Variants in DPP6 observed in about 807,000 individuals in gnomAD.
The protein encoded by DPP6 is A-type potassium channel modulatory protein DPP6.
DPP6 carries 69 observed loss-of-function variants against 122.6 expected under a neutral mutation model. The observed-to-expected ratio is 0.56, with a 90% CI of 0.46 to 0.69. The LOEUF (loss-of-function observed/expected upper bound fraction) is 0.69, where lower values mean the gene tolerates loss of function less well. Among genes scored for constraint, DPP6 ranks in the 30% least tolerant of loss-of-function variants. The probability of loss-of-function intolerance (pLI) is 0.00; values close to 1 mark genes in which losing one functional copy is unlikely to be tolerated. For synonymous variants in DPP6, 418 were observed against 433.1 expected (o/e 0.97, Z 0.43); for missense variants, 928 against 1,116.9 (o/e 0.83, Z 2.41).
At position 154,772,936 on chromosome 7, in the gene DPP6, G is replaced by T. The variant is rs369839910; in HGVS notation, c.1130G>T (p.Arg377Leu). The T allele has an allele frequency of 6.2e-7, 1 of 1,600,360 alleles. No individual in the cohort carries two copies. Among genetic ancestry groups the T allele is most frequent in the Non-Finnish European group, 8.5e-7 (1 of 1,174,498 alleles). ...GAGATGATGCCGCCTGATGATCCACGGATGAGGTTTGCTTCCTTCTATTAT... is the reference window on the plus strand; with the variant it reads ...GAGATGATGCCGCCTGATGATCCACTGATGAGGTTTGCTTCCTTCTATTAT... The part of the protein sequence containing the change: ...DLEMMPPDDP[R>L]MREYYITMVK... Residue 377 changes from arginine (R) to leucine (L), a missense_variant, in exon 10 of 26, where the codon CGG becomes CTG. By Grantham distance (102) the Arg-to-Leu change is moderately radical. Transcript: ENST00000377770.
At chr7:154,550,708 CAAAT>C (rs934010971) in intron 4 of DPP6, among the ~76,000 whole-genome samples, 1 of 149,840 alleles carries the variant, frequency 6.7e-6, no homozygotes, top group African/African-American at 2.5e-5. Flanking sequence ...TACACAAACA[CAAAT>C]AAAGATTGTA....
At chr7:154,786,145 A>G (rs1393765425) in intron 10 of DPP6, among the ~76,000 whole-genome samples, 1 of 152,198 alleles carries the variant, frequency 6.6e-6, no homozygotes, top group East Asian at 1.9e-4. Flanking sequence ...CATTCTCTTA[A>G]TGATTTACTA....
At chr7:153,819,079 T>TTC in the DPP6 span, among the ~76,000 whole-genome samples, 1 of 137,152 alleles carries the variant, frequency 7.3e-6, no homozygotes. Context: ...TTTCTTTTCT[T>TTC]TTTTTTTTTT....
At chr7:154,063,138 GAGT>G (rs2150489280) in intron 1 of DPP6, among the ~76,000 whole-genome samples, 2 of 121,322 alleles carry the variant, frequency 1.6e-5, no homozygotes, top group East Asian at 2.5e-4. Flanking sequence ...CCCCCCACGA[GAGT>G]GGGGACTGAG....
upstream of DPP6, among the ~76,000 whole-genome samples, chr7:153,886,482 G>A (rs538049088): frequency 1.5e-3 from 222 of 152,286 alleles, 1 homozygote; most frequent in African/African-American, 5.1e-3. Flanking sequence ...GGTCTTCGGG[G>A]TCAGATCCCG....
intron 1 of DPP6, among the ~76,000 whole-genome samples, chr7:154,304,246 G>C (rs10231644): frequency 0.4 from 60,424 of 152,270 alleles, 12,547 homozygotes; most frequent in African/African-American, 0.53. Context: ...TGCAGAGAAA[G>C]AGTGCCAGGC....
intron 1 of DPP6, among the ~76,000 whole-genome samples, chr7:154,300,290 A>G (rs1805820877): frequency 6.6e-6 from 1 of 152,138 alleles, no homozygotes; most frequent in African/African-American, 2.4e-5. Context: ...AGTCTTTGCT[A>G]AGTGTGTTTA....
chr7:154,528,132 C>G (rs527900708), intron 3 of DPP6, among the ~76,000 whole-genome samples: 1 of 152,240 alleles, frequency 6.6e-6, no homozygotes, highest in South Asian at 2.1e-4. Context: ...ATGCAAAGCA[C>G]TAGATATATT....
At chr7:154,033,068 C>A (rs1328325892) in intron 1 of DPP6, among the ~76,000 whole-genome samples, 2 of 152,046 alleles carry the variant, frequency 1.3e-5, no homozygotes, top group Non-Finnish European at 2.9e-5. Context: ...ACAGTTAAGT[C>A]TACATAGTTC....
At chr7:153,759,782 CAT>C in the DPP6 span, among the ~76,000 whole-genome samples, 2 of 152,228 alleles carry the variant, frequency 1.3e-5, no homozygotes, top group East Asian at 3.9e-4. Context: ...TAGAAGAAAA[CAT>C]AAAATACCTT....
chr7:154,088,933 C>A (rs1402159028), intron 1 of DPP6, among the ~76,000 whole-genome samples: 3 of 152,198 alleles, frequency 2.0e-5, no homozygotes, highest in Admixed American at 2.0e-4. Context: ...CCACATGTGG[C>A]TCCGGCTGGA....
chr7:154,808,002 T>C (rs1338588378), intron 16 of DPP6, among the ~76,000 whole-genome samples: 1 of 152,220 alleles, frequency 6.6e-6, no homozygotes, highest in Non-Finnish European at 1.5e-5. Flanking sequence ...TTTTGCTGCT[T>C]GTCTGTATCT....
At chr7:154,256,284 G>C (rs1177912841) in intron 1 of DPP6, among the ~76,000 whole-genome samples, 1 of 152,196 alleles carries the variant, frequency 6.6e-6, no homozygotes, top group Non-Finnish European at 1.5e-5. Context: ...AAACTACAGT[G>C]TGCAAAATAT....
chr7:154,838,777 T>C (rs1801289438), intron 16 of DPP6: 1 of 152,196 alleles, frequency 6.6e-6, no homozygotes, highest in African/African-American at 2.4e-5. Context: ...TCACAAAATG[T>C]GGAGCCAGTT....
At chr7:154,541,368 C>T (rs1379174862) in intron 4 of DPP6, among the ~76,000 whole-genome samples, 1 of 152,152 alleles carries the variant, frequency 6.6e-6, no homozygotes, top group Non-Finnish European at 1.5e-5. Context: ...CTCCTGTACT[C>T]AAGCAATCCT....
chr7:154,485,941 C>G (rs139693025), intron 3 of DPP6, among the ~76,000 whole-genome samples: 2 of 143,526 alleles, frequency 1.4e-5, no homozygotes, highest in Non-Finnish European at 3.0e-5. Flanking sequence ...TATCCCTCCC[C>G]CCTCCCCCCA....
At chr7:154,208,288 G>A (rs1229683273) in intron 1 of DPP6, among the ~76,000 whole-genome samples, 1 of 152,144 alleles carries the variant, frequency 6.6e-6, no homozygotes, top group African/African-American at 2.4e-5. Context: ...TTATGACTAG[G>A]TAAGAGTTGG....
intron 1 of DPP6, among the ~76,000 whole-genome samples, chr7:154,418,640 C>T (rs1383546286): frequency 6.6e-6 from 1 of 152,164 alleles, no homozygotes; most frequent in Non-Finnish European, 1.5e-5. Context: ...TCATAAGAAA[C>T]CATTCCTCTC....
chr7:154,344,505 G>A (rs1196747734), intron 1 of DPP6, among the ~76,000 whole-genome samples: 2 of 152,282 alleles, frequency 1.3e-5, no homozygotes, highest in East Asian at 3.9e-4. Flanking sequence ...AGAGTAGTAT[G>A]GAGGTTCCTT....
Sources: gnomAD v4.1 joint callset for allele counts (sites outside exome capture counted in the v4.1 genomes callset) on GRCh38, gnomAD v4.1.1 for gene constraint, MANE v1.5 for transcripts, NCBI Gene and HGNC (gene_info 2026-07-23, HGNC 2026-07-21) for gene names.